ULK4: variants seen among roughly 807,000 people sequenced by gnomAD.
ULK4 encodes inactive serine/threonine-protein kinase ULK4.
A neutral mutation model predicts 160.6 loss-of-function variants in ULK4; 133 were observed. That is an observed-to-expected ratio of 0.83 (90% CI 0.72 to 0.96). ULK4 has a LOEUF of 0.96. Among genes scored for constraint, ULK4 ranks in the 40% least tolerant of loss-of-function variants. The probability of loss-of-function intolerance (pLI) is 0.00; values close to 1 mark genes in which losing one functional copy is unlikely to be tolerated. For missense variants in ULK4, 1,580 were observed against 1,499.5 expected, an observed-to-expected ratio of 1.05 and a Z score of -0.89; for synonymous variants, 534 against 539.8, an observed-to-expected ratio of 0.99 and a Z score of 0.15.
At chr3:41,255,015 A>G (rs2078806956) in intron 35 of ULK4, among the ~76,000 whole-genome samples, 1 of 152,018 alleles carries the variant, frequency 6.6e-6, no homozygotes, top group African/African-American at 2.4e-5. Flanking sequence ...CAATACTTAC[A>G]TTAAATGTAG....
intron 34 of ULK4, among the ~76,000 whole-genome samples, chr3:41,401,498 TG>T (rs983552276): frequency 5.9e-5 from 9 of 152,328 alleles, no homozygotes; most frequent in African/African-American, 1.9e-4. Flanking sequence ...CATAATCATC[TG>T]ACATCAGTTC....
At chr3:41,703,834 G>A (rs2036765990) in intron 27 of ULK4, among the ~76,000 whole-genome samples, 1 of 129,258 alleles carries the variant, frequency 7.7e-6, no homozygotes, top group African/African-American at 3.7e-5. Flanking sequence ...TAATGCGCAT[G>A]CACACACACA....
At chr3:41,877,916 G>C (rs1358721753) in intron 17 of ULK4, among the ~76,000 whole-genome samples, 3 of 151,928 alleles carry the variant, frequency 2.0e-5, no homozygotes, top group Non-Finnish European at 4.4e-5. Flanking sequence ...GGGAGGCAGA[G>C]GTTGCGGTGA....
chr3:41,310,788 T>C (rs2080033116), intron 35 of ULK4, among the ~76,000 whole-genome samples: 1 of 151,396 alleles, frequency 6.6e-6, no homozygotes, highest in South Asian at 2.1e-4. Flanking sequence ...AGCCCAGGAG[T>C]CTGAGACCAA....
intron 32 of ULK4, among the ~76,000 whole-genome samples, chr3:41,492,351 G>C (rs1559645371): frequency 6.6e-6 from 1 of 152,084 alleles, no homozygotes; most frequent in Non-Finnish European, 1.5e-5. Context: ...CCCGCCAACA[G>C]TGTAAAAGTG....
chr3:41,521,264 T>C (rs994684539), intron 32 of ULK4, among the ~76,000 whole-genome samples: 2 of 152,162 alleles, frequency 1.3e-5, no homozygotes, highest in Non-Finnish European at 2.9e-5. Flanking sequence ...TGTCAGTAGG[T>C]TCCCGGTCCT....
At chr3:41,585,257 C>T (rs2030704805) in intron 31 of ULK4, among the ~76,000 whole-genome samples, 1 of 152,198 alleles carries the variant, frequency 6.6e-6, no homozygotes, top group Non-Finnish European at 1.5e-5. Context: ...CTCACACTCA[C>T]TGATTTCAAA....
intron 17 of ULK4, among the ~76,000 whole-genome samples, chr3:41,859,821 C>T (rs1023958191): frequency 1.4e-5 from 2 of 139,596 alleles, no homozygotes; most frequent in African/African-American, 2.8e-5. Context: ...CCATGCCTGG[C>T]TAATTTTTTT....
chr3:41,806,975 T>C (rs1231149599), intron 19 of ULK4, among the ~76,000 whole-genome samples: 1 of 151,838 alleles, frequency 6.6e-6, no homozygotes, highest in Admixed American at 6.6e-5. Context: ...TGGCAAAACC[T>C]CTTGTCTCTA....
At chr3:41,662,669 C>A (rs757963988) in intron 30 of ULK4, among the ~76,000 whole-genome samples, 2 of 152,274 alleles carry the variant, frequency 1.3e-5, no homozygotes, top group South Asian at 2.1e-4. Flanking sequence ...TGGAGATGCA[C>A]TGCACCTACA....
intron 35 of ULK4, among the ~76,000 whole-genome samples, chr3:41,278,828 C>G (rs2079282880): frequency 6.6e-6 from 1 of 152,130 alleles, no homozygotes; most frequent in African/African-American, 2.4e-5. Flanking sequence ...GATAAAACCA[C>G]AAAGATGGGG....
At chr3:41,870,425 G>C (rs982711994) in intron 17 of ULK4, among the ~76,000 whole-genome samples, 6 of 152,054 alleles carry the variant, frequency 3.9e-5, no homozygotes, top group Admixed American at 1.3e-4. Flanking sequence ...GTGTCAGTTT[G>C]AGTCATTTCT....
intron 35 of ULK4, among the ~76,000 whole-genome samples, chr3:41,259,112 A>ATG (rs776673423): frequency 7.0e-5 from 9 of 129,016 alleles, no homozygotes; most frequent in Non-Finnish European, 1.2e-4. Flanking sequence ...ATATGTATAT[A>ATG]TGTGTATATA....
At chr3:41,287,259 T>A (rs1049661685) in intron 35 of ULK4, among the ~76,000 whole-genome samples, 12 of 152,048 alleles carry the variant, frequency 7.9e-5, no homozygotes, top group Non-Finnish European at 1.3e-4. Flanking sequence ...AAAGGCTAAG[T>A]GAGTAAAGGA....
In ULK4 at chr3:41,398,164, T is replaced by G. The variant is rs750438982; in HGVS notation, c.3593A>C (p.Glu1198Ala). The G allele has an allele frequency of 1.8e-5, 29 of 1,613,422 alleles. No homozygotes were observed. The highest frequency in any genetic ancestry group is 2.5e-5 in the Non-Finnish European group (29 of 1,179,678). Residue 1198 changes from glutamate (E) to alanine (A), a missense_variant, in exon 35 of 37, where the codon GAA (glutamate) becomes GCA (alanine). Coordinates refer to ENST00000301831, the MANE Select transcript of ULK4 (RefSeq NM_017886.4). ...TAAATGAGCAAAAATTTCCACATTT[T>G]CAGGAGAGAGGCTGTCCGGGTTTTC... ...GGENPDSLSP[E>A]NVEIFAHLLT...
At chr3:41,545,314 T>C (rs1240054305) in intron 32 of ULK4, among the ~76,000 whole-genome samples, 1 of 152,244 alleles carries the variant, frequency 6.6e-6, no homozygotes, top group Admixed American at 6.5e-5. Flanking sequence ...TAATTTAGCA[T>C]TTCCCTGCAG....
At chr3:41,390,535 T>G (rs1313584198) in intron 35 of ULK4, among the ~76,000 whole-genome samples, 2 of 152,162 alleles carry the variant, frequency 1.3e-5, no homozygotes, top group Non-Finnish European at 1.5e-5. Context: ...CACACTGCTT[T>G]GAATGTGTCC....
intron 12 of ULK4, among the ~76,000 whole-genome samples, chr3:41,904,325 A>C (rs1698477508): frequency 1.3e-5 from 2 of 152,222 alleles, no homozygotes; most frequent in South Asian, 4.1e-4. Context: ...GTTACTCAGG[A>C]GGCTGAGATG....
intron 18 of ULK4, among the ~76,000 whole-genome samples, chr3:41,819,977 T>C (rs1371125048): frequency 2.0e-5 from 3 of 152,054 alleles, no homozygotes; most frequent in African/African-American, 7.2e-5. Flanking sequence ...AGGAACTAAA[T>C]AAAATGAGCA....
Sources: allele counts gnomAD v4.1 joint callset (sites outside exome capture counted in the v4.1 genomes callset), GRCh38; gene constraint gnomAD v4.1.1; transcripts MANE v1.5; gene names NCBI Gene and HGNC (gene_info 2026-07-23, HGNC 2026-07-21).